CNTN4: variants seen among roughly 807,000 people sequenced by gnomAD.
CNTN4 encodes contactin-4.
Under a neutral mutation model 122.5 loss-of-function variants are expected in CNTN4, and 77 were observed. The observed-to-expected ratio is 0.63, with a 90% CI of 0.52 to 0.76. The LOEUF (loss-of-function observed/expected upper bound fraction) is 0.76. Among genes scored for constraint, CNTN4 ranks in the 30% least tolerant of loss-of-function variants. The pLI, the probability that CNTN4 is intolerant of heterozygous loss-of-function variation, is 0.00. For missense variants in CNTN4, 1,256 were observed against 1,259.1 expected (o/e 1.00, Z 0.04); for synonymous variants, 512 against 447.0 (o/e 1.15, Z -1.83).
Position 2,357,198 on chromosome 3 carries a change from G to A in CNTN4, c.-89+17965G>A, listed in dbSNP as rs59828548. Among the ~76,000 whole-genome samples the A allele has an allele frequency of 4.3e-3, 662 of 152,234 alleles. 2 individuals carry two copies. The highest frequency in any genetic ancestry group is 0.015 in the African/African-American group (634 of 41,550). On this transcript the variant is annotated intron_variant, in intron 3 of 24. Coordinates refer to ENST00000418658, the MANE Select transcript of CNTN4 (RefSeq NM_175607.3). ...GTGACCCACAAACCGTACTTAAGTA[G>A]CAATGACGTTAAGATACTGTTTTCA...
At chr3:2,370,811 C>A (rs957455889) in intron 3 of CNTN4, among the ~76,000 whole-genome samples, 4 of 152,006 alleles carry the variant, frequency 2.6e-5, no homozygotes, top group Non-Finnish European at 5.9e-5. Context: ...TGAATATATA[C>A]CAGTTTTCCA....
At chr3:2,877,193 A>T (rs541843885) in intron 8 of CNTN4, among the ~76,000 whole-genome samples, 2 of 152,366 alleles carry the variant, frequency 1.3e-5, no homozygotes, top group South Asian at 4.1e-4. Flanking sequence ...TAGCCTATGA[A>T]TGTCATGAAT....
At chr3:2,824,418 C>G (rs2092942558) in intron 7 of CNTN4, among the ~76,000 whole-genome samples, 1 of 151,760 alleles carries the variant, frequency 6.6e-6, no homozygotes, top group Non-Finnish European at 1.5e-5. Context: ...GATCGCGCCA[C>G]TGCACTCCAG....
At chr3:2,353,383 C>T (rs536742661) in intron 3 of CNTN4, among the ~76,000 whole-genome samples, 5 of 152,082 alleles carry the variant, frequency 3.3e-5, no homozygotes, top group Non-Finnish European at 5.9e-5. Context: ...GCAGGCTGCC[C>T]GATCCCTGCA....
chr3:2,527,433 C>CTGCTGCTGCTGCTGT (rs2077437966), intron 3 of CNTN4, among the ~76,000 whole-genome samples: 1 of 151,226 alleles, frequency 6.6e-6, no homozygotes, highest in Non-Finnish European at 1.5e-5. Flanking sequence ...GCTGCTGCTG[C>CTGCTGCTGCTGCTGT]TGTTGCTGTT....
intron 3 of CNTN4, among the ~76,000 whole-genome samples, chr3:2,376,772 G>T (rs1443698344): frequency 6.6e-6 from 1 of 151,212 alleles, no homozygotes; most frequent in Non-Finnish European, 1.5e-5. Flanking sequence ...CTCTCATGTT[G>T]GTTGTGTGCT....
intron 2 of CNTN4, among the ~76,000 whole-genome samples, chr3:2,229,686 C>G (rs1046217211): frequency 1.3e-5 from 2 of 152,080 alleles, no homozygotes; most frequent in Non-Finnish European, 2.9e-5. Context: ...ATTATTTTAA[C>G]TAATATTTAC....
chr3:2,208,110 T>G (rs1204951513), intron 2 of CNTN4, among the ~76,000 whole-genome samples: 1 of 152,168 alleles, frequency 6.6e-6, no homozygotes, highest in Non-Finnish European at 1.5e-5. Context: ...TTAAGATATA[T>G]ACTTCATAAG....
chr3:3,006,421 C>T (rs1235394632), intron 14 of CNTN4, among the ~76,000 whole-genome samples: 1 of 152,144 alleles, frequency 6.6e-6, no homozygotes, highest in Non-Finnish European at 1.5e-5. Flanking sequence ...TGGAATCATC[C>T]TATCTCAGAG....
chr3:2,981,197 C>G (rs974310538), intron 13 of CNTN4, among the ~76,000 whole-genome samples: 2 of 152,226 alleles, frequency 1.3e-5, no homozygotes, highest in Admixed American at 1.3e-4. Context: ...GTAGTACCAG[C>G]ACTTTGGCAG....
chr3:2,292,288 C>A (rs2042162835), intron 2 of CNTN4, among the ~76,000 whole-genome samples: 1 of 152,146 alleles, frequency 6.6e-6, no homozygotes, highest in African/African-American at 2.4e-5. Context: ...AGGGCATTGG[C>A]TTTTCTTCTA....
intron 4 of CNTN4, among the ~76,000 whole-genome samples, chr3:2,678,954 C>G (rs1228211782): frequency 6.6e-6 from 1 of 152,108 alleles, no homozygotes; most frequent in Admixed American, 6.6e-5. Context: ...TACAAAGGTA[C>G]CTTTTTACAT....
chr3:2,131,733 T>A (rs2034459915), intron 2 of CNTN4, among the ~76,000 whole-genome samples: 1 of 152,210 alleles, frequency 6.6e-6, no homozygotes, highest in South Asian at 2.1e-4. Flanking sequence ...TTAAGTATAA[T>A]CCATTTTAAG....
At chr3:2,134,594 A>G (rs529602277) in intron 2 of CNTN4, among the ~76,000 whole-genome samples, 4 of 152,320 alleles carry the variant, frequency 2.6e-5, no homozygotes, top group East Asian at 3.9e-4. Context: ...GTGGTTCCCA[A>G]CTAGGGGCAT....
chr3:2,186,277 T>C (rs1310052347), intron 2 of CNTN4, among the ~76,000 whole-genome samples: 1 of 152,196 alleles, frequency 6.6e-6, no homozygotes. Flanking sequence ...TTTTTATGGC[T>C]GCATAGTATT....
chr3:2,140,995 A>G (rs2034967291), intron 2 of CNTN4, among the ~76,000 whole-genome samples: 1 of 152,244 alleles, frequency 6.6e-6, no homozygotes, highest in South Asian at 2.1e-4. Flanking sequence ...TACAGTCTTC[A>G]AAGTTACAGG....
intron 3 of CNTN4, among the ~76,000 whole-genome samples, chr3:2,550,304 C>T (rs2078438358): frequency 6.6e-6 from 1 of 151,946 alleles, no homozygotes; most frequent in African/African-American, 2.4e-5. Context: ...TGAACAGACA[C>T]TTCTCAAAAG....
chr3:2,403,462 C>T (rs976139009), intron 3 of CNTN4, among the ~76,000 whole-genome samples: 6 of 152,114 alleles, frequency 3.9e-5, no homozygotes, highest in African/African-American at 1.2e-4. Flanking sequence ...TGGATCTTCC[C>T]GTCCCTCTGT....
intron 3 of CNTN4, among the ~76,000 whole-genome samples, chr3:2,488,445 TGA>T (rs2076224788): frequency 1.3e-5 from 2 of 152,034 alleles, no homozygotes; most frequent in African/African-American, 4.8e-5. Flanking sequence ...CCAGTGTGAG[TGA>T]GTGTTGGGGG....
Sources: gnomAD v4.1 joint callset for allele counts (sites outside exome capture counted in the v4.1 genomes callset) on GRCh38, gnomAD v4.1.1 for gene constraint, MANE v1.5 for transcripts, NCBI Gene and HGNC (gene_info 2026-07-23, HGNC 2026-07-21) for gene names.